Variants in NDEL1 observed in about 807,000 individuals in gnomAD.
The protein encoded by NDEL1 is nuclear distribution protein nudE-like 1.
A neutral mutation model predicts 45.7 loss-of-function variants in NDEL1; 9 were observed. The observed-to-expected ratio is 0.20, with a 90% CI of 0.12 to 0.34. The LOEUF (loss-of-function observed/expected upper bound fraction) is 0.34, where lower values mean the gene tolerates loss of function less well. NDEL1 is among the 10% of genes least tolerant of loss of function. The pLI is 1.00. For synonymous variants in NDEL1, 133 were observed against 158.6 expected (o/e 0.84, Z 1.21); for missense variants, 306 against 406.2 (o/e 0.75, Z 2.12).
upstream of NDEL1, among the ~76,000 whole-genome samples, chr17:8,433,343 T>C (rs118067395): frequency 5.1e-4 from 77 of 152,332 alleles, no homozygotes; most frequent in East Asian, 0.014. Flanking sequence ...ATGAACAAGA[T>C]TACTTTTTTT....
chr17:8,448,621 A>G lies in NDEL1; in HGVS notation c.461A>G (p.Glu154Gly). 6.2e-7 allele frequency: 1 copy of G among 1,614,222 alleles called. No homozygotes were observed. Among genetic ancestry groups the G allele is most frequent in the Non-Finnish European group, 8.5e-7 (1 of 1,180,014 alleles). Residue 154 changes from glutamate to glycine, a missense_variant, in exon 5 of 9, where the codon GAA (glutamate) becomes GGA (glycine). Transcript: ENST00000334527. ...GCCATTGAACGAAATGCATTTTTAG[A>G]AAGTGAACTTGATGAAAAGGAATCT... ...NQAIERNAFL[E>G]SELDEKESLL...
intron 1 of NDEL1, among the ~76,000 whole-genome samples, chr17:8,426,066 T>C (rs1011361435): frequency 3.3e-4 from 51 of 152,240 alleles, no homozygotes. Context: ...TTGGGATTAC[T>C]GGAGTAAGCC....
chr17:8,428,704 G>A (rs150210252), intron 1 of NDEL1, among the ~76,000 whole-genome samples: 2,560 of 148,546 alleles, frequency 0.017, 38 homozygotes, highest in Middle Eastern at 0.03. Context: ...TTGAGATGGA[G>A]TCTCTTTCAC....
chr17:8,428,463 C>A (rs1265259940), intron 1 of NDEL1, among the ~76,000 whole-genome samples: 3 of 149,954 alleles, frequency 2.0e-5, no homozygotes, highest in African/African-American at 7.4e-5. Flanking sequence ...CTCCCAGGTT[C>A]AAGCAATTCT....
rs886583082 is a variant in NDEL1, at chr17:8,439,192, G to T, written c.-13+3147G>T. 5.3e-5 allele frequency among the ~76,000 whole-genome samples: 8 copies of T among 150,312 alleles called. No individual in the cohort carries two copies. The East Asian group carries it at 1.6e-3, about 30-fold the overall frequency. On this transcript the variant is annotated intron_variant, in intron 1 of 8. Coordinates refer to ENST00000334527, the MANE Select transcript of NDEL1 (RefSeq NM_030808.5). ...CCTGACCTCGTGATCCGCCCGCCTC[G>T]GCCTCCCAAAGTGCTGGGATTACAG...
chr17:8,447,616 A>G (rs1423564848), intron 4 of NDEL1, among the ~76,000 whole-genome samples: 1 of 152,096 alleles, frequency 6.6e-6, no homozygotes, highest in East Asian at 1.9e-4. Context: ...TTCTCTTTTA[A>G]TACTGACTGA....
At chr17:8,419,227 T>C (rs979657103) in intron 1 of NDEL1, among the ~76,000 whole-genome samples, 1 of 152,172 alleles carries the variant, frequency 6.6e-6, no homozygotes. Context: ...TCATCTAAAG[T>C]GTTTGACGAT....
At chr17:8,456,589 C>T (rs1453899041) in intron 7 of NDEL1, among the ~76,000 whole-genome samples, 1 of 151,230 alleles carries the variant, frequency 6.6e-6, no homozygotes. Flanking sequence ...ACCTCTGCCT[C>T]CCAGGTTCAA....
chr17:8,463,229 C>T (rs1055604118), intron 8 of NDEL1: 8 of 925,966 alleles, frequency 8.6e-6, no homozygotes, highest in Admixed American at 8.5e-5. Flanking sequence ...TTCTTTTGGG[C>T]TGTGTGTAGG....
chr17:8,422,476 C>T (rs1338280539), intron 1 of NDEL1, among the ~76,000 whole-genome samples: 1 of 151,580 alleles, frequency 6.6e-6, no homozygotes, highest in Non-Finnish European at 1.5e-5. Context: ...GCCCAGCCCC[C>T]TGCCTCCCCT....
chr17:8,439,305 A>G (rs1282713582), intron 1 of NDEL1, among the ~76,000 whole-genome samples: 2 of 131,940 alleles, frequency 1.5e-5, no homozygotes, highest in Admixed American at 1.5e-4. Context: ...GCAGTGGCCA[A>G]TCTCGGCTCA....
chr17:8,416,300 A>G (rs185128167), intron 1 of NDEL1, among the ~76,000 whole-genome samples: 114 of 152,226 alleles, frequency 7.5e-4, no homozygotes, highest in African/African-American at 2.6e-3. Context: ...GTCTGTTTGT[A>G]TGGATCTCAC....
intron 3 of NDEL1, among the ~76,000 whole-genome samples, chr17:8,474,021 G>A (rs1912087078): frequency 6.6e-6 from 1 of 152,212 alleles, no homozygotes; most frequent in Non-Finnish European, 1.5e-5. Context: ...TGTGCATCCT[G>A]TGAGGCACTG....
At chr17:8,473,437 T>G (rs1013001575) in intron 3 of NDEL1, among the ~76,000 whole-genome samples, 5 of 152,208 alleles carry the variant, frequency 3.3e-5, no homozygotes, top group Admixed American at 1.3e-4. Flanking sequence ...TCCACCTGCT[T>G]TGGCCTCCCA....
intron 1 of NDEL1, among the ~76,000 whole-genome samples, chr17:8,418,860 T>C (rs968100831): frequency 7.9e-5 from 12 of 151,696 alleles, no homozygotes; most frequent in Non-Finnish European, 1.3e-4. Context: ...TCTTCTTTTT[T>C]ATTTTTTTGA....
At chr17:8,449,200 C>G (rs922569540) in intron 5 of NDEL1, among the ~76,000 whole-genome samples, 17 of 152,224 alleles carry the variant, frequency 1.1e-4, no homozygotes, top group African/African-American at 4.1e-4. Flanking sequence ...CCAGGCTGAT[C>G]TCGAACTCCT....
intron 1 of NDEL1, among the ~76,000 whole-genome samples, chr17:8,430,119 C>T (rs1474130255): frequency 6.6e-6 from 1 of 152,032 alleles, no homozygotes; most frequent in Non-Finnish European, 1.5e-5. Flanking sequence ...TTGGCAGAAA[C>T]ATGAAAATTG....
intron 8 of NDEL1, chr17:8,461,005 C>T (rs1911162729): frequency 6.6e-6 from 1 of 152,068 alleles, no homozygotes; most frequent in Non-Finnish European, 1.5e-5. Context: ...ACTATTAGGA[C>T]CCGTGGCCTG....
rs759961014 is a variant in NDEL1 at position 8,467,131 on chromosome 17, G to A, written c.*108G>A. 7 of 1,086,746 alleles carry A rather than the reference G, an allele frequency of 6.4e-6. No individual in the cohort carries two copies. Among genetic ancestry groups the A allele is most frequent in the East Asian group, 4.8e-5 (2 of 41,826 alleles). The allele number at this position is 1,086,746 out of a possible 1,614,324, so 67.3% of individuals were successfully genotyped here. A position where few individuals can be genotyped will look rare whatever the true frequency, so the allele number is the denominator to read the frequency against. ...GCCCCGTGCCCCTCCGTCTGCCTCC[G>A]CACGGCTGGCAGAGGGCAGGCTGCA... On this transcript the variant is annotated 3_prime_UTR_variant, in exon 9 of 9. Transcript: ENST00000334527. This position sits in a 1 kb window ranked among gnomAD's most constrained non-coding sequence, Gnocchi z 6.3.
Sources: gnomAD v4.1 joint callset for allele counts (sites outside exome capture counted in the v4.1 genomes callset) on GRCh38, gnomAD v4.1.1 for gene constraint, Gnocchi (gnomAD v3.1) non-coding constraint, MANE v1.5 for transcripts, NCBI Gene and HGNC (gene_info 2026-07-23, HGNC 2026-07-21) for gene names.